RBM27: variants seen among roughly 807,000 people sequenced by gnomAD.
The protein encoded by RBM27 is RNA-binding protein 27.
A neutral mutation model predicts 135.3 loss-of-function variants in RBM27; 22 were observed. That is an observed-to-expected ratio of 0.16 (90% CI 0.12 to 0.23). The LOEUF (loss-of-function observed/expected upper bound fraction) is 0.23. RBM27 is among the 10% of genes least tolerant of loss of function. The probability of loss-of-function intolerance (pLI) is 1.00; values close to 1 mark genes in which losing one functional copy is unlikely to be tolerated. For missense variants in RBM27, 1,009 were observed against 1,281.0 expected (o/e 0.79, Z 3.24); for synonymous variants, 481 against 442.4 (o/e 1.09, Z -1.10).
At chr5:146,230,996 G>A (rs372398704) in intron 6 of RBM27, 79 bp downstream of exon 6, 3 of 1,408,858 alleles carry the variant, frequency 2.1e-6, no homozygotes, top group African/African-American at 1.4e-5. Flanking sequence ...ATATCTTTTA[G>A]TTATAGTCCA....
At chr5:146,249,504 G>T (rs1483702952) in intron 8 of RBM27, among the ~76,000 whole-genome samples, 1 of 151,656 alleles carries the variant, frequency 6.6e-6, no homozygotes, top group African/African-American at 2.4e-5. Flanking sequence ...TGGGCAACAT[G>T]GTGAAACCCC....
chr5:146,271,226 C>T (rs1002248686), intron 18 of RBM27, among the ~76,000 whole-genome samples, 168 bp downstream of exon 18: 1 of 152,040 alleles, frequency 6.6e-6, no homozygotes, highest in Admixed American at 6.6e-5. Context: ...CATGGAGAAA[C>T]CCCGTCTCTA....
intron 14 of RBM27, among the ~76,000 whole-genome samples, chr5:146,267,009 G>T (rs1475405044): frequency 6.6e-6 from 1 of 152,156 alleles, no homozygotes; most frequent in Non-Finnish European, 1.5e-5. Context: ...CTGGAAACAA[G>T]AGTTTTTATT....
At chr5:146,213,792 G>T (rs1252517757) in intron 1 of RBM27, among the ~76,000 whole-genome samples, 1 of 152,116 alleles carries the variant, frequency 6.6e-6, no homozygotes, top group African/African-American at 2.4e-5. Context: ...AGATAAATTT[G>T]AGATTTTTAC....
intron 1 of RBM27, among the ~76,000 whole-genome samples, chr5:146,214,854 C>T (rs950305428): frequency 3.3e-5 from 5 of 152,128 alleles, no homozygotes; most frequent in African/African-American, 1.2e-4. Flanking sequence ...CATTTGTTCC[C>T]TCACATTAAA....
At chr5:146,253,538 A>G (rs552520065) in intron 9 of RBM27, among the ~76,000 whole-genome samples, 13 of 151,988 alleles carry the variant, frequency 8.6e-5, no homozygotes, top group African/African-American at 2.7e-4. Flanking sequence ...GTGTAATTCC[A>G]TGAGCTGTTT....
chr5:146,278,737 T>G (rs1037018168), intron 19 of RBM27, among the ~76,000 whole-genome samples: 3 of 152,032 alleles, frequency 2.0e-5, no homozygotes, highest in Non-Finnish European at 4.4e-5. Context: ...TTTTTTTTTT[T>G]TTTTGAGACG....
chr5:146,267,086 A>C (rs1758647346), intron 14 of RBM27, among the ~76,000 whole-genome samples: 1 of 152,250 alleles, frequency 6.6e-6, no homozygotes, highest in Non-Finnish European at 1.5e-5. Flanking sequence ...GTAGCCAAAC[A>C]AATTCAACTT....
At chr5:146,220,874 A>G (rs1756430547) in intron 2 of RBM27, among the ~76,000 whole-genome samples, 2 of 152,200 alleles carry the variant, frequency 1.3e-5, no homozygotes, top group East Asian at 3.8e-4. Flanking sequence ...TATTTGGGGT[A>G]AAAGGCCAAA....
intron 11 of RBM27, among the ~76,000 whole-genome samples, chr5:146,259,224 A>G (rs1053676604): frequency 6.6e-6 from 1 of 151,766 alleles, no homozygotes. Flanking sequence ...GCCGTTAAAG[A>G]TGATGTTCTA....
At chr5:146,275,492 T>C (rs1424771778) in intron 19 of RBM27, among the ~76,000 whole-genome samples, 1 of 152,088 alleles carries the variant, frequency 6.6e-6, no homozygotes, top group African/African-American at 2.4e-5. Flanking sequence ...GGTCTCAAAC[T>C]CCTGACCTCA....
Position 146,269,448 on chromosome 5 carries a change from A to G in RBM27, c.2555A>G (p.Lys852Arg). The G allele has an allele frequency of 6.4e-7, 1 of 1,564,882 alleles. No homozygotes were observed. Among genetic ancestry groups the G allele is most frequent in the East Asian group, 2.3e-5 (1 of 44,224 alleles). The stretch of plus-strand genomic sequence containing the variant: ...TTAATATCCAAGTTAGAAAAAAACA[A>G]AAACATGAAACCAGAAGAAAGAGCA... ...KMLISKLEKN[K>R]NMKPEERANI... Residue 852 changes from lysine (K) to arginine (R), a missense_variant, in exon 17 of 21, where the codon AAA becomes AGA. Transcript: ENST00000265271.
intron 8 of RBM27, among the ~76,000 whole-genome samples, chr5:146,241,260 C>A (rs1471653490): frequency 6.6e-6 from 1 of 152,076 alleles, no homozygotes; most frequent in Non-Finnish European, 1.5e-5. Context: ...ATTTTTAAAA[C>A]TCTGGCAGTT....
intron 9 of RBM27, among the ~76,000 whole-genome samples, chr5:146,254,452 A>G (rs1425253560): frequency 6.6e-6 from 1 of 151,624 alleles, no homozygotes; most frequent in Non-Finnish European, 1.5e-5. Flanking sequence ...TTTCAGTTTC[A>G]AAAGGTGTGT....
intron 10 of RBM27, among the ~76,000 whole-genome samples, chr5:146,255,648 A>T (rs1235907520): frequency 2.0e-5 from 3 of 152,044 alleles, no homozygotes; most frequent in African/African-American, 7.2e-5. Flanking sequence ...ATGGCTGATA[A>T]CCTCCTACCT....
chr5:146,263,677 A>T, intron 14 of RBM27, 46 bp downstream of exon 14: 2 of 1,591,652 alleles, frequency 1.3e-6, no homozygotes, highest in Non-Finnish European at 1.7e-6. Context: ...TCATTCAGTG[A>T]ATTAACAGAA....
intron 1 of RBM27, among the ~76,000 whole-genome samples, chr5:146,206,932 TTAA>T (rs1184372281): frequency 2.0e-5 from 3 of 152,208 alleles, no homozygotes; most frequent in African/African-American, 7.2e-5. Context: ...AATGGAGATA[TTAA>T]TAATAAAAAA....
intron 19 of RBM27, among the ~76,000 whole-genome samples, chr5:146,279,459 A>C (rs1272659360): frequency 1.3e-5 from 2 of 150,382 alleles, no homozygotes; most frequent in Non-Finnish European, 3.0e-5. Context: ...AAACAAAAAA[A>C]CAAAAAAAAA....
At chr5:146,252,773 T>G (rs1227320232) in intron 9 of RBM27, among the ~76,000 whole-genome samples, 1 of 152,202 alleles carries the variant, frequency 6.6e-6, no homozygotes, top group Non-Finnish European at 1.5e-5. Context: ...AGATTTACTT[T>G]TAAGCTAGAC....
Sources: gnomAD v4.1 joint callset for allele counts (sites outside exome capture counted in the v4.1 genomes callset) on GRCh38, gnomAD v4.1.1 for gene constraint, MANE v1.5 for transcripts, NCBI Gene and HGNC (gene_info 2026-07-23, HGNC 2026-07-21) for gene names.